CSMD1: variants seen among roughly 807,000 people sequenced by gnomAD.
The protein encoded by CSMD1 is CUB and Sushi multiple domains 1.
In CSMD1, 213 loss-of-function variants were observed where a neutral mutation model predicts 417.5. The observed-to-expected ratio is 0.51, with a 90% CI of 0.46 to 0.57. The LOEUF (loss-of-function observed/expected upper bound fraction) is 0.57, where lower values mean the gene tolerates loss of function less well. Ranked by LOEUF, CSMD1 falls within the 20% of genes least tolerant of loss-of-function variation. CSMD1 has a pLI of 0.00. For synonymous variants in CSMD1, 2,862 were observed against 1,736.8 expected (o/e 1.65, Z -16.11); for missense variants, 6,923 against 4,529.7 (o/e 1.53, Z -15.17).
At chr8:3,429,657 G>A (rs1814089834) in intron 12 of CSMD1, among the ~76,000 whole-genome samples, 1 of 152,142 alleles carries the variant, frequency 6.6e-6, no homozygotes, top group African/African-American at 2.4e-5. Context: ...TCATCGAATT[G>A]CACACTTTTG....
chr8:3,479,339 G>A (rs955555500), intron 11 of CSMD1, among the ~76,000 whole-genome samples: 1 of 152,140 alleles, frequency 6.6e-6, no homozygotes, highest in Non-Finnish European at 1.5e-5. Flanking sequence ...GGAGTGCAGT[G>A]GCATGATCTT....
intron 4 of CSMD1, among the ~76,000 whole-genome samples, chr8:4,019,920 A>G (rs1796705627): frequency 6.6e-6 from 1 of 151,874 alleles, no homozygotes; most frequent in Admixed American, 6.6e-5. Context: ...TCATTAAAAA[A>G]AAAAAAAAAA....
intron 7 of CSMD1, among the ~76,000 whole-genome samples, chr8:3,697,890 C>G (rs1284926932): frequency 1.3e-5 from 2 of 151,890 alleles, no homozygotes; most frequent in East Asian, 1.9e-4. Context: ...CTAGCCATTA[C>G]GCAAAGTGAG....
At position 4,869,270 on chromosome 8, in the gene CSMD1, T is replaced by C. The variant is rs1196159217; in HGVS notation, c.85+125062A>G. Among the ~76,000 whole-genome samples the C allele has an allele frequency of 5.9e-5, 9 of 151,838 alleles. No homozygotes were observed. In the South Asian group the frequency reaches 6.2e-4, roughly 10 times the overall value. On this transcript the variant is annotated intron_variant, in intron 1 of 69. Coordinates refer to ENST00000635120, the MANE Select transcript of CSMD1 (RefSeq NM_033225.6). Reference sequence around the variant, plus strand: ...TGAACGTATATATTATCATTTAACATAGTGCTAATTCCATCCTGTTTTATC... The same window carrying C: ...TGAACGTATATATTATCATTTAACACAGTGCTAATTCCATCCTGTTTTATC...
chr8:4,600,075 C>T (rs1380919116), intron 2 of CSMD1, among the ~76,000 whole-genome samples: 1 of 152,186 alleles, frequency 6.6e-6, no homozygotes, highest in African/African-American at 2.4e-5. Flanking sequence ...CCCTTTTATA[C>T]TGTGGAGTTA....
intron 1 of CSMD1, among the ~76,000 whole-genome samples, chr8:4,991,636 G>C (rs978882009): frequency 6.6e-6 from 1 of 152,122 alleles, no homozygotes. Flanking sequence ...GCTTGCAAGC[G>C]CCTCCGGTGG....
In CSMD1 at chr8:3,900,955, G is replaced by A. The variant is rs573995059; in HGVS notation, c.818+96948C>T. ...ATTAAATACAAGAAGGTCTATAAAG[G>A]ACAGAACAGAGCCTGAAACTTTATG... On this transcript the variant is annotated intron_variant, in intron 5 of 69. Coordinates refer to ENST00000635120, the MANE Select transcript of CSMD1 (RefSeq NM_033225.6). Among the ~76,000 whole-genome samples the A allele has an allele frequency of 9.2e-5, 14 of 152,312 alleles. No homozygotes were observed. In the South Asian group the frequency reaches 2.9e-3, roughly 32 times the overall value.
Position 4,518,467 on chromosome 8 carries a change from T to C in CSMD1, c.303-98402A>G, listed in dbSNP as rs571958896. Among the ~76,000 whole-genome samples the C allele has an allele frequency of 3.3e-5, 5 of 152,220 alleles. No homozygotes were observed. In the South Asian group the frequency reaches 1.0e-3, roughly 32 times the overall value. On this transcript the variant is annotated intron_variant, in intron 2 of 69. Coordinates refer to ENST00000635120, the MANE Select transcript of CSMD1 (RefSeq NM_033225.6). ...ATAAACGTGATATCCTTTACTGAGA[T>C]GAAAACATACCAGTAATATTTTAAT...
intron 3 of CSMD1, among the ~76,000 whole-genome samples, chr8:4,336,458 T>G (rs1382168353): frequency 6.6e-6 from 1 of 152,094 alleles, no homozygotes; most frequent in African/African-American, 2.4e-5. Flanking sequence ...CTGTGCTATG[T>G]GTAGATGTTT....
Position 2,951,179 on chromosome 8 carries a change from T to C in CSMD1, c.10136A>G (p.Asn3379Ser), listed in dbSNP as rs1218833199. ...GGCATTCACCTTACTGCTTGTTGCA[T>C]TGAACCAGTCAACAGTTAGAGTGGC... The part of the protein sequence containing the change: ...QPATLTVDWF[N>S]ATSSKVNATF... The change falls in exon 66 of 70, where the codon AAT (asparagine) becomes AGT (serine). Residue 3379 changes from asparagine to serine, a missense_variant. Physicochemically the swap from Asn to Ser is conservative, Grantham distance 46. Transcript: ENST00000635120. 3.7e-6 allele frequency: 6 copies of C among 1,613,660 alleles called. No individual in the cohort carries two copies. The highest frequency in any genetic ancestry group is 1.3e-5 in the African/African-American group (1 of 75,042).
intron 27 of CSMD1, among the ~76,000 whole-genome samples, chr8:3,227,617 A>G (rs1798590999): frequency 6.6e-6 from 1 of 152,200 alleles, no homozygotes; most frequent in African/African-American, 2.4e-5. Context: ...AGAGAGTGGC[A>G]TCAGTGGTGT....
At chr8:4,884,340 C>A (rs140244347) in intron 1 of CSMD1, among the ~76,000 whole-genome samples, 1 of 151,866 alleles carries the variant, frequency 6.6e-6, no homozygotes, top group Non-Finnish European at 1.5e-5. Flanking sequence ...TTGTGTTTTC[C>A]TGATGATTTC....
intron 3 of CSMD1, among the ~76,000 whole-genome samples, chr8:4,045,717 G>C (rs914539574): frequency 2.8e-4 from 42 of 152,166 alleles, no homozygotes; most frequent in African/African-American, 9.9e-4. Context: ...AAGATTCAAA[G>C]ACTAAAATAA....
chr8:3,057,291 T>C (rs1812297835), intron 49 of CSMD1, among the ~76,000 whole-genome samples: 1 of 152,208 alleles, frequency 6.6e-6, no homozygotes, highest in African/African-American at 2.4e-5. Flanking sequence ...AAGTTAAATA[T>C]GCATTTAACT....
At chr8:4,098,572 A>C (rs1801144653) in intron 3 of CSMD1, among the ~76,000 whole-genome samples, 1 of 152,138 alleles carries the variant, frequency 6.6e-6, no homozygotes, top group Admixed American at 6.6e-5. Flanking sequence ...ATTCGGCCTG[A>C]AAGATTGGGA....
chr8:4,869,147 A>G (rs1025504391), intron 1 of CSMD1, among the ~76,000 whole-genome samples: 96 of 152,100 alleles, frequency 6.3e-4, no homozygotes, highest in African/African-American at 2.3e-3. Context: ...TTGTGACACA[A>G]AATAAATCTA....
chr8:3,873,897 G>A (rs928464165), intron 5 of CSMD1, among the ~76,000 whole-genome samples: 1 of 152,078 alleles, frequency 6.6e-6, no homozygotes, highest in Non-Finnish European at 1.5e-5. Context: ...AACTGGGGGA[G>A]GTCACTGATC....
At chr8:3,065,938 C>T (rs960122896) in intron 49 of CSMD1, among the ~76,000 whole-genome samples, 1 of 152,116 alleles carries the variant, frequency 6.6e-6, no homozygotes, top group African/African-American at 2.4e-5. Context: ...ACCCACTAAG[C>T]CAGCCAGAGT....
In CSMD1 at chr8:3,476,025, G is replaced by A. The variant is rs77801009; in HGVS notation, c.1449-7201C>T. Reference sequence around the variant, plus strand: ...TTGCACCTTGCTAAATGGTTCAATAGTTCTATTCTAATCTACGTGAAATAC... The same window carrying A: ...TTGCACCTTGCTAAATGGTTCAATAATTCTATTCTAATCTACGTGAAATAC... On this transcript the variant is annotated intron_variant, in intron 11 of 69. Transcript: ENST00000635120. Among the ~76,000 whole-genome samples the A allele has an allele frequency of 1.6e-3, 249 of 152,292 alleles. 1 individual carries two copies. The highest frequency in any genetic ancestry group is 3.0e-3 in the Non-Finnish European group (206 of 68,018).
Sources: allele counts gnomAD v4.1 joint callset (sites outside exome capture counted in the v4.1 genomes callset), GRCh38; gene constraint gnomAD v4.1.1; transcripts MANE v1.5; gene names NCBI Gene and HGNC (gene_info 2026-07-23, HGNC 2026-07-21).